The following SMOC1 variants were observed in gnomAD, a reference collection of about 807,000 sequenced individuals.
SMOC1 encodes SPARC-related modular calcium-binding protein 1.
Under a neutral mutation model 56.3 loss-of-function variants are expected in SMOC1, and 22 were observed. The ratio of observed to expected loss-of-function variants is 0.39; its 90% CI spans 0.28 to 0.56. The LOEUF is 0.56. Among genes scored for constraint, SMOC1 ranks in the 20% least tolerant of loss-of-function variants. SMOC1 has a pLI of 0.61. For missense variants in SMOC1, 509 were observed against 565.4 expected (o/e 0.90, Z 1.01); for synonymous variants, 193 against 215.0 (o/e 0.90, Z 0.89).
intron 8 of SMOC1, among the ~76,000 whole-genome samples, chr14:70,011,235 G>A (rs945429616): frequency 3.3e-5 from 5 of 152,156 alleles, no homozygotes; most frequent in African/African-American, 9.7e-5. Context: ...GATCAAAAAA[G>A]ATACTGCGTG....
Position 70,023,299 on chromosome 14 carries a change from G to A in SMOC1, c.1143G>A (p.Lys381=). 8.1e-6 allele frequency: 13 copies of A among 1,614,190 alleles called. No individual in the cohort carries two copies. The highest frequency in any genetic ancestry group is 1.1e-5 in the Non-Finnish European group (13 of 1,180,038). ...GCAATAGCAGCAACGACATTAACAAGCGGGAGATGAAGCCCTTCAAGCGCT... is the reference window on the plus strand; with the variant it reads ...GCAATAGCAGCAACGACATTAACAAACGGGAGATGAAGCCCTTCAAGCGCT... ...LDSNSSNDIN[K]REMKPFKRYV... is the part of the protein sequence containing the mutation. The change falls in exon 11 of 12, where the codon AAG becomes AAA. Residue 381 remains lysine, a synonymous_variant. Transcript: ENST00000361956.
intron 1 of SMOC1, among the ~76,000 whole-genome samples, chr14:69,927,520 C>A (rs1885042584): frequency 6.6e-6 from 1 of 152,060 alleles, no homozygotes; most frequent in Admixed American, 6.5e-5. Flanking sequence ...CTGGCTAATA[C>A]AAAAAATTAG....
intron 1 of SMOC1, among the ~76,000 whole-genome samples, chr14:69,926,220 GTGA>G (rs759177578): frequency 1.5e-4 from 23 of 152,228 alleles, no homozygotes; most frequent in Admixed American, 2.6e-4. Context: ...TCTGAGGGCA[GTGA>G]TGAAGTTAAG....
At chr14:69,971,517 G>A (rs1257353231) in intron 3 of SMOC1, among the ~76,000 whole-genome samples, 2 of 152,224 alleles carry the variant, frequency 1.3e-5, no homozygotes, top group Non-Finnish European at 2.9e-5. Flanking sequence ...ACAACCATGA[G>A]TTTTGAGAAC....
At chr14:69,968,797 A>G (rs909119519) in intron 3 of SMOC1, among the ~76,000 whole-genome samples, 4 of 152,220 alleles carry the variant, frequency 2.6e-5, no homozygotes, top group Admixed American at 2.0e-4. Flanking sequence ...CAGTCCTTTC[A>G]TTACATGTTT....
intron 1 of SMOC1, among the ~76,000 whole-genome samples, chr14:69,898,992 G>A (rs1206283725): frequency 6.6e-6 from 1 of 152,150 alleles, no homozygotes; most frequent in Non-Finnish European, 1.5e-5. Context: ...GTTTTTTGGT[G>A]AGCCTGTGCC....
At chr14:69,918,327 C>T (rs951744343) in intron 1 of SMOC1, among the ~76,000 whole-genome samples, 3 of 151,854 alleles carry the variant, frequency 2.0e-5, no homozygotes, top group Non-Finnish European at 4.4e-5. Context: ...CTTCTGGGCT[C>T]AGGTGATCCT....
At chr14:69,915,579 A>G (rs1006759175) in intron 1 of SMOC1, among the ~76,000 whole-genome samples, 1 of 152,150 alleles carries the variant, frequency 6.6e-6, no homozygotes, top group African/African-American at 2.4e-5. Context: ...ATAATGGTCT[A>G]TACATGCTTT....
chr14:69,959,139 A>G (rs1324339051), intron 3 of SMOC1, among the ~76,000 whole-genome samples: 1 of 152,166 alleles, frequency 6.6e-6, no homozygotes, highest in Non-Finnish European at 1.5e-5. Context: ...GTAATGTTAT[A>G]TATTGTTTTA....
chr14:69,984,693 A>AAAAAG (rs1463896085), intron 5 of SMOC1, among the ~76,000 whole-genome samples: 1 of 151,830 alleles, frequency 6.6e-6, no homozygotes, highest in Non-Finnish European at 1.5e-5. Flanking sequence ...AAAAAAAAAA[A>AAAAAG]AAAATACAAA....
intron 1 of SMOC1, among the ~76,000 whole-genome samples, chr14:69,916,479 T>C (rs1884689667): frequency 6.6e-6 from 1 of 152,254 alleles, no homozygotes. Flanking sequence ...ACTCCTCTGC[T>C]GCCCATTTTA....
chr14:70,028,728 G>A (rs1200469267), intron 11 of SMOC1, among the ~76,000 whole-genome samples: 1 of 152,200 alleles, frequency 6.6e-6, no homozygotes, highest in Non-Finnish European at 1.5e-5. Flanking sequence ...GGGATTTGAA[G>A]TCAGCAGCCT....
At chr14:69,921,253 A>G (rs1461635273) in intron 1 of SMOC1, among the ~76,000 whole-genome samples, 1 of 152,064 alleles carries the variant, frequency 6.6e-6, no homozygotes, top group African/African-American at 2.4e-5. Flanking sequence ...TGGTCATTAC[A>G]TCATGGGCAA....
chr14:69,896,242 A>G (rs918433073), intron 1 of SMOC1, among the ~76,000 whole-genome samples: 2 of 152,138 alleles, frequency 1.3e-5, no homozygotes, highest in Admixed American at 1.3e-4. Flanking sequence ...AGCTAATACC[A>G]TTTGACTAGC....
At chr14:69,914,262 T>C (rs1301101441) in intron 1 of SMOC1, among the ~76,000 whole-genome samples, 1 of 152,214 alleles carries the variant, frequency 6.6e-6, no homozygotes, top group East Asian at 1.9e-4. Context: ...TTTTAGGCTT[T>C]GTGGGGTATA....
chr14:69,977,960 G>A lies in SMOC1; in HGVS notation c.521G>A (p.Arg174Lys), dbSNP rs112308471. 6.2e-7 allele frequency: 1 copy of A among 1,613,598 alleles called. No individual in the cohort carries two copies. Among genetic ancestry groups the A allele is most frequent in the Non-Finnish European group, 8.5e-7 (1 of 1,179,528 alleles). Residue 174 changes from arginine (R) to lysine (K), a missense_variant, in exon 5 of 12, where the codon AGG becomes AAG. Physicochemically the swap from Arg to Lys is conservative, Grantham distance 26. This residue lies in a region of SMOC1 where 315 missense variants were observed against 333.1 expected (regional missense o/e 0.95). Coordinates refer to ENST00000361956, the MANE Select transcript of SMOC1 (RefSeq NM_001034852.3). ...CCCTTGAGCCAGGGTAACTCAGGAA[G>A]GAAAGGTGAGTGGAGTTTTATGCTT... ...DKPLSQGNSG[R>K]KDDGSKPTPT...
At chr14:69,928,046 C>T (rs1246644823) in intron 1 of SMOC1, among the ~76,000 whole-genome samples, 1 of 152,162 alleles carries the variant, frequency 6.6e-6, no homozygotes, top group African/African-American at 2.4e-5. Context: ...AGTGCGATTC[C>T]TGCCAAAGAG....
chr14:70,006,883 T>A (rs893441748), intron 7 of SMOC1, among the ~76,000 whole-genome samples: 1 of 152,086 alleles, frequency 6.6e-6, no homozygotes, highest in Non-Finnish European at 1.5e-5. Context: ...TCCACAAAAG[T>A]GAAAGCGAGA....
At chr14:69,988,858 C>T (rs558946130) in intron 5 of SMOC1, among the ~76,000 whole-genome samples, 31 of 152,318 alleles carry the variant, frequency 2.0e-4, no homozygotes, top group Middle Eastern at 3.4e-3. Flanking sequence ...GATTCTTCAT[C>T]TACATTGTCA....
Sources: allele counts gnomAD v4.1 joint callset (sites outside exome capture counted in the v4.1 genomes callset), GRCh38; gene constraint gnomAD v4.1.1; regional missense constraint gnomAD v4.1.1; transcripts MANE v1.5; gene names NCBI Gene and HGNC (gene_info 2026-07-23, HGNC 2026-07-21).